The following LAMB1 variants were observed in gnomAD, a reference collection of about 807,000 sequenced individuals.
LAMB1 encodes laminin subunit beta 1.
In LAMB1, 121 loss-of-function variants were observed where a neutral mutation model predicts 222.3. The observed-to-expected ratio is 0.54, with a 90% CI of 0.47 to 0.63. The LOEUF is 0.63. Ranked by LOEUF, LAMB1 falls within the 30% of genes least tolerant of loss-of-function variation. The pLI, the probability that LAMB1 is intolerant of heterozygous loss-of-function variation, is 0.00. For synonymous variants in LAMB1, 794 were observed against 807.2 expected (o/e 0.98, Z 0.28); for missense variants, 2,172 against 2,240.8 (o/e 0.97, Z 0.62).
At chr7:107,961,161 C>T in intron 17 of LAMB1, 45 bp downstream of exon 17, 10 of 1,611,906 alleles carry the variant, frequency 6.2e-6, no homozygotes, top group Non-Finnish European at 7.6e-6. Context: ...TGGGCACTTT[C>T]CGCCCAGGCT....
rs931000267 is a variant in LAMB1 at position 107,954,200 on chromosome 7, G to A, written c.2855-446C>T. 2.0e-5 allele frequency among the ~76,000 whole-genome samples: 3 copies of A among 152,146 alleles called. No homozygotes were observed. The East Asian group carries it at 5.8e-4, about 29-fold the overall frequency. ...CATGGGGCCTTGCTTTATCACCCAGGTTGGAATGCAGTGACATGATAATAG... is the reference window on the plus strand; with the variant it reads ...CATGGGGCCTTGCTTTATCACCCAGATTGGAATGCAGTGACATGATAATAG... On this transcript the variant is annotated intron_variant, in intron 21 of 33. Transcript: ENST00000222399.
At chr7:107,928,798 TAGA>T (rs1011729341) in intron 31 of LAMB1, among the ~76,000 whole-genome samples, 66 of 152,314 alleles carry the variant, frequency 4.3e-4, no homozygotes, top group African/African-American at 1.5e-3. Flanking sequence ...CGCCCAAGAA[TAGA>T]AGTTTTTATC....
At chr7:107,931,678 A>G (rs2032714913) in intron 28 of LAMB1, 178 bp from the exon 29 acceptor site, 2 of 625,378 alleles carry the variant, frequency 3.2e-6, no homozygotes, top group Non-Finnish European at 5.5e-6. Context: ...AGTATTCAGT[A>G]TAGAGATTCC....
intron 24 of LAMB1, among the ~76,000 whole-genome samples, chr7:107,949,603 T>C (rs1325810452): frequency 2.1e-4 from 32 of 152,212 alleles, no homozygotes; most frequent in Non-Finnish European, 2.6e-4. Context: ...TCAGATCTCA[T>C]TAAGAACCAA....
intron 5 of LAMB1, among the ~76,000 whole-genome samples, chr7:107,991,699 A>G (rs1162859187): frequency 6.6e-6 from 1 of 152,148 alleles, no homozygotes; most frequent in Non-Finnish European, 1.5e-5. Flanking sequence ...TCATGAGGTC[A>G]GGAGTTCAAG....
intron 30 of LAMB1, 53 bp from the exon 31 acceptor site, chr7:107,929,258 T>C: frequency 1.9e-6 from 3 of 1,592,526 alleles, no homozygotes; most frequent in Non-Finnish European, 2.6e-6. Context: ...AAAAAAGTAC[T>C]CTCAGTGTTC....
At chr7:107,979,777 A>T (rs2033937166) in intron 8 of LAMB1, among the ~76,000 whole-genome samples, 1 of 152,200 alleles carries the variant, frequency 6.6e-6, no homozygotes, top group African/African-American at 2.4e-5. Flanking sequence ...TGTGGGTTAA[A>T]ATTTTCCAGC....
chr7:107,950,456 T>C lies in LAMB1; in HGVS notation c.3391+770A>G, dbSNP rs535528294. 9.8e-5 allele frequency among the ~76,000 whole-genome samples: 15 copies of C among 152,320 alleles called. No individual in the cohort carries two copies. The South Asian group carries it at 2.7e-3, about 27-fold the overall frequency. On this transcript the variant is annotated intron_variant, in intron 24 of 33. Transcript: ENST00000222399. ...AAGATCTGAAAAATAATTTTCCAGG[T>C]CAAAAAAACTGCAATACCATAAAAA...
At chr7:107,970,639 A>G (rs1207773133) in intron 13 of LAMB1, among the ~76,000 whole-genome samples, 3 of 152,156 alleles carry the variant, frequency 2.0e-5, no homozygotes, top group Non-Finnish European at 4.4e-5. Flanking sequence ...CTAGCAACCA[A>G]TGCCAATTCT....
chr7:107,974,358 T>TG (rs1046051717), intron 12 of LAMB1, among the ~76,000 whole-genome samples: 83 of 119,456 alleles, frequency 6.9e-4, no homozygotes, highest in South Asian at 1.6e-3. Context: ...CCTGTGTGTG[T>TG]TTTTTTTTTT....
At chr7:107,998,208 G>T in intron 4 of LAMB1, 149 bp downstream of exon 4, 1 of 691,106 alleles carries the variant, frequency 1.4e-6, no homozygotes. Flanking sequence ...TTTACCAAGA[G>T]AAGTTAGTGC....
At chr7:107,977,643 T>C (rs942072437) in intron 9 of LAMB1, among the ~76,000 whole-genome samples, 6 of 151,912 alleles carry the variant, frequency 3.9e-5, no homozygotes, top group Admixed American at 1.3e-4. Context: ...CAAAAAAAAT[T>C]AGCAGGGCAT....
chr7:107,934,902 TA>T (rs60067306), intron 27 of LAMB1, among the ~76,000 whole-genome samples: 4,454 of 76,732 alleles, frequency 0.058, 440 homozygotes, highest in African/African-American at 0.23. Flanking sequence ...TCCATCTCTT[TA>T]AAAAAAAAAA....
chr7:108,002,027 C>G (rs971790951), intron 2 of LAMB1: 3 of 1,443,344 alleles, frequency 2.1e-6, no homozygotes, highest in South Asian at 1.5e-5. Context: ...TGATCAGCCC[C>G]GGGGAGCAGC....
chr7:107,952,197 C>T lies in LAMB1; in HGVS notation c.3106G>A (p.Val1036Met), dbSNP rs143286536. Residue 1036 changes from valine (V) to methionine (M), a missense_variant, in exon 23 of 34, where the codon GTG becomes ATG. Transcript: ENST00000222399. The stretch of plus-strand genomic sequence containing the variant: ...TCAGAGCCGTTACAGTGCTCTTGCA[C>T]GGTGCCCAGGTAATTACAGACACAC... ...RKCVCNYLGT[V>M]QEHCNGSDCQ... 2.1e-5 allele frequency: 33 copies of T among 1,609,698 alleles called. No individual in the cohort carries two copies. Among genetic ancestry groups the T allele is most frequent in the African/African-American group, 1.1e-4 (8 of 74,976 alleles).
intron 27 of LAMB1, among the ~76,000 whole-genome samples, chr7:107,933,635 A>G (rs1451960648): frequency 6.6e-6 from 1 of 152,202 alleles, no homozygotes; most frequent in Non-Finnish European, 1.5e-5. Flanking sequence ...CTCTAGCTAA[A>G]CATCCACAAA....
intron 26 of LAMB1, 93 bp from the exon 27 acceptor site, chr7:107,935,749 A>C: frequency 2.2e-6 from 3 of 1,342,212 alleles, no homozygotes; most frequent in Non-Finnish European, 2.0e-6. Flanking sequence ...CGGGTCCTAA[A>C]TTTACTGTAA....
In LAMB1 at chr7:107,980,750, G is replaced by A. The variant is rs1250323593; in HGVS notation, c.738C>T (p.Asn246=). Residue 246 remains asparagine (N), a synonymous_variant, in exon 8 of 34, where the codon AAC becomes AAT. Coordinates refer to ENST00000222399, the MANE Select transcript of LAMB1 (RefSeq NM_002291.3). The stretch of plus-strand genomic sequence containing the variant: ...TGATTTCCATCCTGGAATCCAGAAG[G>A]TTATCTCCCAAAGTATGCAGTTTCA... ...KFVKLHTLGD[N]LLDSRMEIRE... is the part of the protein sequence containing the mutation. 1 of 1,612,982 alleles carries A rather than the reference G, an allele frequency of 6.2e-7. No individual in the cohort carries two copies. The highest frequency in any genetic ancestry group is 1.7e-5 in the Admixed American group (1 of 60,006).
At chr7:107,952,527 G>A (rs1187891257) in intron 22 of LAMB1, among the ~76,000 whole-genome samples, 1 of 152,142 alleles carries the variant, frequency 6.6e-6, no homozygotes, top group Admixed American at 6.5e-5. Flanking sequence ...AGGCTTAACT[G>A]GAAATAATTT....
Sources: allele counts gnomAD v4.1 joint callset (sites outside exome capture counted in the v4.1 genomes callset), GRCh38; gene constraint gnomAD v4.1.1; transcripts MANE v1.5; gene names NCBI Gene and HGNC (gene_info 2026-07-23, HGNC 2026-07-21).